The following RAP1GAP2 variants were observed in gnomAD, a reference collection of about 807,000 sequenced individuals.
The protein encoded by RAP1GAP2 is rap1 GTPase-activating protein 2.
RAP1GAP2 carries 27 observed loss-of-function variants against 95.0 expected under a neutral mutation model. That is an observed-to-expected ratio of 0.28 (90% CI 0.21 to 0.39). RAP1GAP2 has a LOEUF of 0.39. Among genes scored for constraint, RAP1GAP2 ranks in the 10% least tolerant of loss-of-function variants. The pLI is 1.00. For synonymous variants in RAP1GAP2, 373 were observed against 380.9 expected, an observed-to-expected ratio of 0.98 and a Z score of 0.24; for missense variants, 771 against 970.0, an observed-to-expected ratio of 0.79 and a Z score of 2.72.
chr17:2,780,022 G>A (rs936365697), intron 1 of RAP1GAP2, among the ~76,000 whole-genome samples: 15 of 152,198 alleles, frequency 9.9e-5, no homozygotes, highest in African/African-American at 2.2e-4. Context: ...GGCAGTGTTC[G>A]TAGTTCGTGG....
intron 2 of RAP1GAP2, among the ~76,000 whole-genome samples, chr17:2,900,047 G>A (rs1407239418): frequency 6.6e-6 from 1 of 152,204 alleles, no homozygotes; most frequent in African/African-American, 2.4e-5. Flanking sequence ...TATTTGGAAA[G>A]CAAGAGAAAG....
In RAP1GAP2 at chr17:3,008,280, C is replaced by T; in HGVS notation, c.1494+135C>T. ...GGGGTGACAGGAAACGTATGGGTATCCTAGGTGTTTGCAAAGGGCAGGGCC... is the reference window on the plus strand; with the variant it reads ...GGGGTGACAGGAAACGTATGGGTATTCTAGGTGTTTGCAAAGGGCAGGGCC... On this transcript the variant is annotated intron_variant, in intron 17 of 24. Transcript: ENST00000254695. This position sits in a 1 kb window ranked among gnomAD's most constrained non-coding sequence, Gnocchi z 4.2. The T allele has an allele frequency of 1.5e-6, 2 of 1,342,816 alleles. No individual in the cohort carries two copies. Among genetic ancestry groups the T allele is most frequent in the Middle Eastern group, 2.4e-4 (1 of 4,084 alleles). The allele number at this position is 1,342,816 out of a possible 1,614,324, so 83.2% of individuals were successfully genotyped here. A position where few individuals can be genotyped will look rare whatever the true frequency, so the allele number is the denominator to read the frequency against.
intron 2 of RAP1GAP2, among the ~76,000 whole-genome samples, chr17:2,830,815 G>T (rs2070797230): frequency 6.6e-6 from 1 of 151,834 alleles, no homozygotes; most frequent in South Asian, 2.1e-4. Flanking sequence ...AATATATGTG[G>T]TAGAAAGATT....
Position 3,026,363 on chromosome 17 carries a change from T to A in RAP1GAP2, c.1879T>A (p.Leu627Met). ...CPNKEKPFMK[L>M]KENGRAISRS... ...TATTCCCTGCAGGCCCTTCATGAAG[T>A]TGAAGGAAAACGGCCGTGCCATCTC... Residue 627 changes from leucine to methionine, a missense_variant, in exon 21 of 25, where the codon TTG (leucine) becomes ATG (methionine). Leu to Met is a conservative substitution (Grantham distance 15). Coordinates refer to ENST00000254695, the MANE Select transcript of RAP1GAP2 (RefSeq NM_015085.5). The A allele has an allele frequency of 6.4e-7, 1 of 1,551,216 alleles. No homozygotes were observed. Among genetic ancestry groups the A allele is most frequent in the South Asian group, 1.2e-5 (1 of 84,050 alleles).
chr17:2,794,920 C>T (rs1248886275), upstream of RAP1GAP2, among the ~76,000 whole-genome samples: 26 of 121,390 alleles, frequency 2.1e-4, no homozygotes, highest in African/African-American at 8.1e-4. Context: ...CTTTGTTGCA[C>T]AGGCTGGAGT....
rs577651653 is a variant in RAP1GAP2 at position 2,852,893 on chromosome 17, ACCTTCCGC to A, written c.80+52350_80+52357del. On this transcript the variant is annotated intron_variant, in intron 2 of 24. Coordinates refer to ENST00000254695, the MANE Select transcript of RAP1GAP2 (RefSeq NM_015085.5). ...GCCGGCGCGACCTTCCGACCTTCCG[ACCTTCCGC>A]CCTTCCTTTCCGAAGGAGATGAGGC... Among the ~76,000 whole-genome samples, 74 of 152,078 alleles carry A rather than the reference ACCTTCCGC, an allele frequency of 4.9e-4. 1 individual carries two copies. Among genetic ancestry groups the A allele is most frequent in the African/African-American group, 1.6e-3 (67 of 41,514 alleles).
At chr17:2,818,334 TTTATTTA>T (rs2070128162) in intron 2 of RAP1GAP2, among the ~76,000 whole-genome samples, 4 of 128,724 alleles carry the variant, frequency 3.1e-5, no homozygotes, top group African/African-American at 1.5e-4. Flanking sequence ...TATTTATTTA[TTTATTTA>T]TTTTTGAGAC....
intron 2 of RAP1GAP2, among the ~76,000 whole-genome samples, chr17:2,801,686 T>C (rs2069306753): frequency 6.7e-6 from 1 of 149,194 alleles, no homozygotes; most frequent in Non-Finnish European, 1.5e-5. Context: ...TTGCCAGGTA[T>C]GTCAGCATGG....
At position 2,935,654 on chromosome 17, in the gene RAP1GAP2, C is replaced by T. The variant is rs374950694; in HGVS notation, c.166-22105C>T. On this transcript the variant is annotated intron_variant, in intron 3 of 24. Transcript: ENST00000254695. Reference sequence around the variant, plus strand: ...ACACGTAGAGCCGGCAGACATTTGTCGTTCGATCACTGTTGCAATGTCAAG... The same window carrying T: ...ACACGTAGAGCCGGCAGACATTTGTTGTTCGATCACTGTTGCAATGTCAAG... Among the ~76,000 whole-genome samples the T allele has an allele frequency of 2.9e-4, 44 of 152,272 alleles. 1 individual carries two copies. Among genetic ancestry groups the T allele is most frequent in the East Asian group, 2.5e-3 (13 of 5,188 alleles).
chr17:2,936,567 G>A (rs2043318052), intron 3 of RAP1GAP2, among the ~76,000 whole-genome samples: 1 of 151,812 alleles, frequency 6.6e-6, no homozygotes, highest in South Asian at 2.1e-4. Context: ...CCTTCAGCAG[G>A]CCAGTTAACC....
At chr17:2,875,515 G>C (rs1029098228) in intron 2 of RAP1GAP2, among the ~76,000 whole-genome samples, 32 of 152,126 alleles carry the variant, frequency 2.1e-4, no homozygotes, top group African/African-American at 7.5e-4. Context: ...TGGCTATGTG[G>C]CATCAGTTAG....
intron 3 of RAP1GAP2, among the ~76,000 whole-genome samples, chr17:2,923,272 T>A (rs2042850256): frequency 1.3e-5 from 2 of 151,652 alleles, no homozygotes; most frequent in African/African-American, 4.8e-5. Context: ...ACTCCTGACC[T>A]CGTGATCTGC....
At position 3,033,457 on chromosome 17, in the gene RAP1GAP2, C is replaced by G. The variant is rs1177652088; in HGVS notation, c.*96C>G. The G allele has an allele frequency of 6.5e-6, 1 of 153,316 alleles. No individual in the cohort carries two copies. Among genetic ancestry groups the G allele is most frequent in the African/African-American group, 2.4e-5 (1 of 41,468 alleles). 9.5% of individuals were successfully genotyped at this position (153,316 alleles called of 1,614,324 possible). ...CAGTTTGGGAGTGCCGTCCACGACC[C>G]TGACAGTCCCAGCCCTGCTGCCCCA... On this transcript the variant is annotated 3_prime_UTR_variant, in exon 25 of 25. Coordinates refer to ENST00000254695, the MANE Select transcript of RAP1GAP2 (RefSeq NM_015085.5). This position sits in a 1 kb window ranked among gnomAD's most constrained non-coding sequence, Gnocchi z 4.9.
chr17:2,905,488 G>C, intron 3 of RAP1GAP2, 120 bp downstream of exon 3: 1 of 923,392 alleles, frequency 1.1e-6, no homozygotes, highest in South Asian at 1.6e-5. Context: ...GGAGTGTCCT[G>C]ACACCTCGGA....
chr17:2,857,893 A>G lies in RAP1GAP2; in HGVS notation c.81-47391A>G, dbSNP rs940181043. Among the ~76,000 whole-genome samples the G allele has an allele frequency of 7.2e-5, 11 of 152,210 alleles. No individual in the cohort carries two copies. The highest frequency in any genetic ancestry group is 2.0e-4 in the Admixed American group (3 of 15,278). On this transcript the variant is annotated intron_variant, in intron 2 of 24. Coordinates refer to ENST00000254695, the MANE Select transcript of RAP1GAP2 (RefSeq NM_015085.5). The surrounding 1 kb of genome is among the most constrained non-coding windows in gnomAD (Gnocchi z 4.0). ...GGTGGGTGGACCACCTGAGGTCAGGAGTTGAAAACCACCCTGGCCAACATG... is the reference window on the plus strand; with the variant it reads ...GGTGGGTGGACCACCTGAGGTCAGGGGTTGAAAACCACCCTGGCCAACATG...
At chr17:2,985,200 A>G in intron 11 of RAP1GAP2, 134 bp downstream of exon 11, 1 of 1,459,300 alleles carries the variant, frequency 6.9e-7, no homozygotes, top group South Asian at 1.5e-5. Flanking sequence ...CATTTAAGGT[A>G]TGAATTAGAC....
rs181113448 is a variant in RAP1GAP2, at chr17:2,826,037, G to A, written c.80+25487G>A. On this transcript the variant is annotated intron_variant, in intron 2 of 24. Coordinates refer to ENST00000254695, the MANE Select transcript of RAP1GAP2 (RefSeq NM_015085.5). ...GCTCTGTCGCCCCGGCTGGAGTGCA[G>A]TGGTGCCATCTCGGCTCACTGCAAC... is the stretch of plus-strand genomic sequence containing the variant. Among the ~76,000 whole-genome samples, 1,213 of 147,080 alleles carry A rather than the reference G, an allele frequency of 8.2e-3. 9 individuals are homozygous for A. Among genetic ancestry groups the A allele is most frequent in the Non-Finnish European group, 0.01 (686 of 67,310 alleles).
intron 2 of RAP1GAP2, among the ~76,000 whole-genome samples, chr17:2,815,881 G>T (rs1171852898): frequency 6.6e-6 from 1 of 152,250 alleles, no homozygotes; most frequent in Non-Finnish European, 1.5e-5. Flanking sequence ...CAGGCACACT[G>T]AGCATTGTGT....
At chr17:2,891,860 G>A (rs1432989811) in intron 2 of RAP1GAP2, among the ~76,000 whole-genome samples, 3 of 108,072 alleles carry the variant, frequency 2.8e-5, no homozygotes, top group African/African-American at 7.4e-5. Context: ...TTTCACTCTC[G>A]TCTCCCAGGC....
Sources: gnomAD v4.1 joint callset for allele counts (sites outside exome capture counted in the v4.1 genomes callset) on GRCh38, gnomAD v4.1.1 for gene constraint, Gnocchi (gnomAD v3.1) non-coding constraint, MANE v1.5 for transcripts, NCBI Gene and HGNC (gene_info 2026-07-23, HGNC 2026-07-21) for gene names.